CDH18: variants seen among roughly 807,000 people sequenced by gnomAD.
The protein encoded by CDH18 is cadherin 18, also known as cadherin-18.
Under a neutral mutation model 67.9 loss-of-function variants are expected in CDH18, and 31 were observed. The ratio of observed to expected loss-of-function variants is 0.46; its 90% CI spans 0.34 to 0.62. CDH18 has a LOEUF of 0.62. Ranked by LOEUF, CDH18 falls within the 20% of genes least tolerant of loss-of-function variation. CDH18 has a pLI of 0.01. For synonymous variants in CDH18, 362 were observed against 347.2 expected (o/e 1.04, Z -0.48); for missense variants, 890 against 975.5 (o/e 0.91, Z 1.17).
At chr5:20,224,293 A>G (rs1257623986) in intron 2 of CDH18, among the ~76,000 whole-genome samples, 1 of 152,176 alleles carries the variant, frequency 6.6e-6, no homozygotes, top group Non-Finnish European at 1.5e-5. Flanking sequence ...TCATGATAAT[A>G]GAAAACCCTA....
intron 2 of CDH18, among the ~76,000 whole-genome samples, chr5:20,124,004 A>T (rs1166608192): frequency 1.3e-5 from 2 of 152,190 alleles, no homozygotes; most frequent in Admixed American, 1.3e-4. Flanking sequence ...TACAGTAAAA[A>T]CTATCCAGAC....
intron 3 of CDH18, among the ~76,000 whole-genome samples, chr5:19,785,682 ATATATATATATATATATATAT>A (rs1775696374): frequency 1.1e-3 from 22 of 20,848 alleles, no homozygotes; most frequent in Non-Finnish European, 1.3e-3. Flanking sequence ...AAAAAAAAAT[ATATATATATATATATATATAT>A]ATATATATAT....
At chr5:20,007,004 AT>A (rs1450968121) in intron 2 of CDH18, among the ~76,000 whole-genome samples, 2 of 152,062 alleles carry the variant, frequency 1.3e-5, no homozygotes, top group East Asian at 3.9e-4. Flanking sequence ...ATTGAGTTAA[AT>A]TTTTTTAGGT....
intron 2 of CDH18, among the ~76,000 whole-genome samples, chr5:20,209,620 AG>A (rs2126368184): frequency 6.6e-6 from 1 of 152,180 alleles, no homozygotes; most frequent in African/African-American, 2.4e-5. Context: ...AGATAAAAAG[AG>A]GTTGACCAAT....
intron 1 of CDH18, among the ~76,000 whole-genome samples, chr5:20,502,103 A>G (rs1754369697): frequency 6.6e-6 from 1 of 152,114 alleles, no homozygotes; most frequent in Non-Finnish European, 1.5e-5. Flanking sequence ...TATTCCAAAT[A>G]TTACTAAATC....
At chr5:19,605,160 A>T (rs1747834151) in intron 6 of CDH18, among the ~76,000 whole-genome samples, 16 of 151,958 alleles carry the variant, frequency 1.1e-4, no homozygotes, top group Admixed American at 1.0e-3. Flanking sequence ...ACAAACCGTA[A>T]TACAATTGAA....
intron 1 of CDH18, among the ~76,000 whole-genome samples, chr5:20,256,292 C>A (rs1251308829): frequency 6.6e-6 from 1 of 151,926 alleles, no homozygotes; most frequent in Non-Finnish European, 1.5e-5. Flanking sequence ...CCTTTCAGAA[C>A]CCAAAAGCAG....
chr5:19,659,298 A>C (rs1464059043), intron 5 of CDH18, among the ~76,000 whole-genome samples: 1 of 152,158 alleles, frequency 6.6e-6, no homozygotes. Context: ...ATTACGTTCA[A>C]TTAAAATGAT....
intron 1 of CDH18, among the ~76,000 whole-genome samples, chr5:20,385,389 C>T (rs1204963816): frequency 2.0e-5 from 3 of 152,116 alleles, no homozygotes; most frequent in Admixed American, 1.3e-4. Flanking sequence ...CTCCAGTCCC[C>T]ATCCCTCACT....
chr5:20,037,488 A>T (rs556848233), intron 2 of CDH18, among the ~76,000 whole-genome samples: 213 of 152,272 alleles, frequency 1.4e-3, no homozygotes, highest in African/African-American at 4.8e-3. Context: ...GCAAAAGAAC[A>T]GAAATCATAA....
At chr5:20,038,369 A>G (rs182268618) in intron 2 of CDH18, among the ~76,000 whole-genome samples, 404 of 152,298 alleles carry the variant, frequency 2.7e-3, no homozygotes, top group Non-Finnish European at 3.7e-3. Flanking sequence ...CATCATCCTG[A>G]TACCAAAACC....
At chr5:20,076,552 A>T (rs1743957090) in intron 2 of CDH18, among the ~76,000 whole-genome samples, 1 of 152,120 alleles carries the variant, frequency 6.6e-6, no homozygotes, top group Non-Finnish European at 1.5e-5. Context: ...CCCAAAAAAA[A>T]AAAGGCAGAC....
At chr5:20,069,448 T>G (rs1186366564) in intron 2 of CDH18, among the ~76,000 whole-genome samples, 2 of 151,848 alleles carry the variant, frequency 1.3e-5, no homozygotes, top group Admixed American at 1.3e-4. Context: ...AGTCTCACTC[T>G]GTCGCCCAGG....
chr5:20,250,118 A>G (rs1227537728), intron 2 of CDH18, among the ~76,000 whole-genome samples: 1 of 152,186 alleles, frequency 6.6e-6, no homozygotes, highest in East Asian at 1.9e-4. Flanking sequence ...AAAGAGCCAA[A>G]GATTACGTGA....
At chr5:19,981,744 G>C (rs1339465302) in intron 1 of CDH18, among the ~76,000 whole-genome samples, 1 of 152,126 alleles carries the variant, frequency 6.6e-6, no homozygotes, top group Admixed American at 6.5e-5. Flanking sequence ...CAGATAGCCA[G>C]GGGTGCTCCT....
At chr5:20,057,855 T>A (rs901564828) in intron 2 of CDH18, among the ~76,000 whole-genome samples, 2 of 152,148 alleles carry the variant, frequency 1.3e-5, no homozygotes, top group African/African-American at 4.8e-5. Flanking sequence ...TGTGGTGTGC[T>A]GAAACCACAT....
chr5:19,669,992 T>C (rs1758519085), intron 5 of CDH18, among the ~76,000 whole-genome samples: 1 of 152,096 alleles, frequency 6.6e-6, no homozygotes, highest in Non-Finnish European at 1.5e-5. Context: ...TACTACCAGT[T>C]CAGGGTCCCA....
chr5:20,414,085 C>T (rs1747058051), intron 1 of CDH18, among the ~76,000 whole-genome samples: 1 of 152,120 alleles, frequency 6.6e-6, no homozygotes, highest in Non-Finnish European at 1.5e-5. Flanking sequence ...CACTTATGTA[C>T]TGTTACTGGA....
At position 19,780,976 on chromosome 5, in the gene CDH18, C is replaced by T. The variant is rs115276482; in HGVS notation, c.229-33740G>A. 5.3e-3 allele frequency among the ~76,000 whole-genome samples: 800 copies of T among 152,126 alleles called. 4 individuals are homozygous for T. Among genetic ancestry groups the T allele is most frequent in the African/African-American group, 0.018 (763 of 41,522 alleles). Reference sequence around the variant, plus strand: ...CTATAGAATAATATGAAATTAAATACAGCAAGTCAAATATTTAAAACGCCT... The same window carrying T: ...CTATAGAATAATATGAAATTAAATATAGCAAGTCAAATATTTAAAACGCCT... On this transcript the variant is annotated intron_variant, in intron 3 of 12. Coordinates refer to ENST00000382275, the MANE Select transcript of CDH18 (RefSeq NM_004934.5).
Sources: allele counts gnomAD v4.1 joint callset (sites outside exome capture counted in the v4.1 genomes callset), GRCh38; gene constraint gnomAD v4.1.1; transcripts MANE v1.5; gene names NCBI Gene and HGNC (gene_info 2026-07-23, HGNC 2026-07-21).